Variants in CASK observed in about 807,000 individuals in gnomAD.
CASK encodes the protein peripheral plasma membrane protein CASK.
Under a neutral mutation model 82.9 loss-of-function variants are expected in CASK, and 4 were observed. The observed-to-expected ratio is 0.05, with a 90% CI of 0.02 to 0.11. The LOEUF is 0.11. Among genes scored for constraint, CASK ranks in the 10% least tolerant of loss-of-function variants. The pLI, the probability that CASK is intolerant of heterozygous loss-of-function variation, is 1.00. For synonymous variants in CASK, 259 were observed against 253.5 expected (o/e 1.02, Z -0.20); for missense variants, 358 against 720.9 (o/e 0.50, Z 5.76).
At position 41,626,840 on chromosome X, in the gene CASK, T is replaced by C; in HGVS notation, c.916-137A>G. 3 of 478,280 alleles carry C rather than the reference T, an allele frequency of 6.3e-6. No homozygotes were observed. The South Asian group carries it at 9.3e-5, about 15-fold the overall frequency. The allele number at this position is 478,280 out of a possible 1,213,427, so 39.4% of individuals were successfully genotyped here. ...GATGATGGCTAGAAGAGAGGTAGTT[T>C]TTAAATTATTTCAGATTCCTTGAAA... On this transcript the variant is annotated intron_variant, in intron 9 of 26. Transcript: ENST00000378163.
chrX:41,719,636 A>T (rs1280971883), intron 5 of CASK, among the ~76,000 whole-genome samples: 1 of 111,928 alleles, frequency 8.9e-6, no homozygotes, highest in African/African-American at 3.3e-5. Flanking sequence ...ACACTGAACA[A>T]AGGAGACAGG....
At chrX:41,753,713 C>G (rs1186571393) in intron 3 of CASK, among the ~76,000 whole-genome samples, 1 of 111,160 alleles carries the variant, frequency 9.0e-6, no homozygotes, top group Non-Finnish European at 1.9e-5. Flanking sequence ...CAGTGAGACT[C>G]CTTCTCTACT....
intron 3 of CASK, among the ~76,000 whole-genome samples, chrX:41,785,427 A>C (rs2069574599): frequency 8.9e-6 from 1 of 112,318 alleles, no homozygotes; most frequent in Non-Finnish European, 1.9e-5. Context: ...TGTCCTGCTT[A>C]CTATGAATGG....
chrX:41,867,352 G>A (rs2071610129), intron 1 of CASK, among the ~76,000 whole-genome samples: 1 of 111,633 alleles, frequency 9.0e-6, no homozygotes, highest in Non-Finnish European at 1.9e-5. Flanking sequence ...CACAAACATG[G>A]GTGCCATCTT....
At chrX:41,544,575 A>C (rs1427334101) in intron 21 of CASK, among the ~76,000 whole-genome samples, 6 of 108,307 alleles carry the variant, frequency 5.5e-5, no homozygotes, top group African/African-American at 1.4e-4. Flanking sequence ...AAAAAAAAAA[A>C]AAAAAAAAAA....
At chrX:41,610,499 A>G (rs1010310809) in intron 11 of CASK, among the ~76,000 whole-genome samples, 1 of 111,970 alleles carries the variant, frequency 8.9e-6, no homozygotes, top group African/African-American at 3.2e-5. Context: ...GCTGCTTAAA[A>G]TAGGCTTCTT....
chrX:41,778,989 T>G (rs974405444), intron 3 of CASK, among the ~76,000 whole-genome samples: 8 of 111,737 alleles, frequency 7.2e-5, no homozygotes, highest in Non-Finnish European at 1.5e-4. Flanking sequence ...TATCTCTATT[T>G]TAGTTTGTGC....
At chrX:41,702,570 C>T (rs910050176) in intron 5 of CASK, among the ~76,000 whole-genome samples, 2 of 110,687 alleles carry the variant, frequency 1.8e-5, no homozygotes, top group African/African-American at 3.3e-5. Context: ...CCAAGGCGGG[C>T]AGATCACGAG....
intron 10 of CASK, chrX:41,624,297 A>G (rs752911235): frequency 1.7e-5 from 6 of 351,109 alleles, no homozygotes; most frequent in South Asian, 1.3e-4. Flanking sequence ...GACCACACCT[A>G]TAAACACAAC....
At chrX:41,857,154 T>C (rs912750304) in intron 1 of CASK, among the ~76,000 whole-genome samples, 4 of 111,094 alleles carry the variant, frequency 3.6e-5, no homozygotes, top group African/African-American at 9.8e-5. Flanking sequence ...CCCTCTATTA[T>C]AGGGTTTCCA....
intron 5 of CASK, among the ~76,000 whole-genome samples, chrX:41,690,785 C>T (rs972967052): frequency 9.3e-6 from 1 of 107,982 alleles, no homozygotes; most frequent in Non-Finnish European, 1.9e-5. Context: ...GCGATCCTCC[C>T]ACCTTAGCCT....
intron 1 of CASK, among the ~76,000 whole-genome samples, chrX:41,919,673 T>C (rs2072751956): frequency 2.7e-5 from 3 of 112,223 alleles, no homozygotes; most frequent in Non-Finnish European, 5.6e-5. Flanking sequence ...GTCTTATTAT[T>C]GGAGATTTGT....
At chrX:41,721,747 C>T (rs1488530554) in intron 5 of CASK, among the ~76,000 whole-genome samples, 1 of 111,785 alleles carries the variant, frequency 8.9e-6, no homozygotes, top group Admixed American at 9.5e-5. Context: ...GGGACTCCCA[C>T]CACACATCTC....
At chrX:41,883,378 G>A (rs2071986310) in intron 1 of CASK, among the ~76,000 whole-genome samples, 1 of 111,403 alleles carries the variant, frequency 9.0e-6, no homozygotes, top group Non-Finnish European at 1.9e-5. Flanking sequence ...GGCTGTCTTA[G>A]CAGGAGATGA....
chrX:41,871,280 T>C (rs913150604), intron 1 of CASK, among the ~76,000 whole-genome samples: 2 of 112,061 alleles, frequency 1.8e-5, no homozygotes, highest in Non-Finnish European at 3.8e-5. Context: ...TTTTTTATTA[T>C]ACCACTTTCA....
chrX:41,718,559 G>A (rs1481416559), intron 5 of CASK, among the ~76,000 whole-genome samples: 1 of 112,328 alleles, frequency 8.9e-6, no homozygotes, highest in African/African-American at 3.2e-5. Flanking sequence ...TTGCTTGCTT[G>A]TTCATTGGGA....
At chrX:41,885,612 C>G (rs959328874) in intron 1 of CASK, among the ~76,000 whole-genome samples, 13 of 111,609 alleles carry the variant, frequency 1.2e-4, no homozygotes, top group African/African-American at 4.2e-4. Flanking sequence ...GTAATTTATT[C>G]CTCACAATTA....
intron 5 of CASK, among the ~76,000 whole-genome samples, chrX:41,716,732 T>G (rs1008835316): frequency 9.0e-6 from 1 of 111,620 alleles, no homozygotes; most frequent in African/African-American, 3.3e-5. Flanking sequence ...TCCTAAGGGG[T>G]GGCTTGTGCC....
At chrX:41,634,616 T>A (rs186020120) in intron 9 of CASK, among the ~76,000 whole-genome samples, 18 of 112,509 alleles carry the variant, frequency 1.6e-4, no homozygotes, top group African/African-American at 5.5e-4. Flanking sequence ...GGTGAAATGT[T>A]TGTATTTGGG....
Sources: allele counts gnomAD v4.1 joint callset (sites outside exome capture counted in the v4.1 genomes callset), GRCh38; gene constraint gnomAD v4.1.1; transcripts MANE v1.5; gene names NCBI Gene and HGNC (gene_info 2026-07-23, HGNC 2026-07-21).